The following POU2F1 variants were observed in gnomAD, a reference collection of about 807,000 sequenced individuals.
POU2F1 encodes POU class 2 homeobox 1, also known as POU domain, class 2, transcription factor 1.
A neutral mutation model predicts 84.9 loss-of-function variants in POU2F1; 16 were observed. The observed-to-expected ratio is 0.19, with a 90% CI of 0.13 to 0.29. The LOEUF is 0.29. Among genes scored for constraint, POU2F1 ranks in the 10% least tolerant of loss-of-function variants. The pLI is 1.00. For missense variants in POU2F1, 738 were observed against 942.6 expected, an observed-to-expected ratio of 0.78 and a Z score of 2.84; for synonymous variants, 368 against 368.3, an observed-to-expected ratio of 1.00 and a Z score of 0.01.
chr1:167,363,523 T>C (rs1336052011), intron 2 of POU2F1, among the ~76,000 whole-genome samples: 4 of 152,196 alleles, frequency 2.6e-5, no homozygotes, highest in African/African-American at 4.8e-5. Flanking sequence ...ATAGTGAAAC[T>C]TCTACATGTG....
chr1:167,316,503 G>A (rs1655914099), intron 1 of POU2F1, among the ~76,000 whole-genome samples: 1 of 152,194 alleles, frequency 6.6e-6, no homozygotes, highest in Non-Finnish European at 1.5e-5. Context: ...ACAGGGAAAA[G>A]AAGGGTATTT....
intron 1 of POU2F1, among the ~76,000 whole-genome samples, chr1:167,283,842 A>G (rs1436125889): frequency 6.6e-6 from 1 of 152,210 alleles, no homozygotes; most frequent in African/African-American, 2.4e-5. Flanking sequence ...TAGGAATATC[A>G]TAAAGGAGAG....
At chr1:167,223,701 C>T (rs1648411036) in intron 1 of POU2F1, among the ~76,000 whole-genome samples, 7 of 151,934 alleles carry the variant, frequency 4.6e-5, no homozygotes, top group Admixed American at 3.9e-4. Context: ...TTCTTTCACT[C>T]ACAGTAGGCA....
At position 167,300,653 on chromosome 1, in the gene POU2F1, C is replaced by T. The variant is rs185781063; in HGVS notation, c.62-31817C>T. Among the ~76,000 whole-genome samples, 4 of 152,170 alleles carry T rather than the reference C, an allele frequency of 2.6e-5. 1 individual carries two copies. Among genetic ancestry groups the T allele is most frequent in the South Asian group, 4.1e-4 (2 of 4,822 alleles). ...CTAATTTTTGTATTTTTAGTGGAGA[C>T]GAGTTTTCACCACGTTGGCCAGGAT... is the stretch of plus-strand genomic sequence containing the variant. On this transcript the variant is annotated intron_variant, in intron 1 of 15. Coordinates refer to ENST00000367866, the MANE Select transcript of POU2F1 (RefSeq NM_002697.4).
chr1:167,301,684 A>G (rs896235890), intron 1 of POU2F1, among the ~76,000 whole-genome samples: 2 of 152,140 alleles, frequency 1.3e-5, no homozygotes, highest in African/African-American at 4.8e-5. Flanking sequence ...TGTAACCATC[A>G]TATTGGAAGG....
At chr1:167,299,900 G>T (rs567113574) in intron 1 of POU2F1, among the ~76,000 whole-genome samples, 1 of 151,778 alleles carries the variant, frequency 6.6e-6, no homozygotes, top group Non-Finnish European at 1.5e-5. Context: ...GTGAGGTAGG[G>T]GCCAAAAAAG....
intron 1 of POU2F1, among the ~76,000 whole-genome samples, chr1:167,308,661 C>A (rs1157362007): frequency 6.6e-6 from 1 of 152,034 alleles, no homozygotes. Context: ...GAGCAGCTGG[C>A]ACTATAGGTG....
intron 8 of POU2F1, among the ~76,000 whole-genome samples, chr1:167,386,295 A>G (rs1282304715): frequency 6.6e-6 from 1 of 152,156 alleles, no homozygotes; most frequent in African/African-American, 2.4e-5. Context: ...CCCAAGCTCA[A>G]GCAATCCTCC....
At chr1:167,396,089 T>C (rs1648788194) in intron 9 of POU2F1, among the ~76,000 whole-genome samples, 197 bp from the exon 10 acceptor site, 1 of 152,154 alleles carries the variant, frequency 6.6e-6, no homozygotes, top group Non-Finnish European at 1.5e-5. Context: ...ATTGTAACGA[T>C]CAGGCCTAAA....
intron 1 of POU2F1, among the ~76,000 whole-genome samples, chr1:167,233,563 T>C (rs1163800662): frequency 6.6e-6 from 1 of 152,228 alleles, no homozygotes; most frequent in Non-Finnish European, 1.5e-5. Flanking sequence ...CTTAGGTATG[T>C]AGTAGGCTAT....
intron 2 of POU2F1, among the ~76,000 whole-genome samples, chr1:167,354,477 A>G (rs1294054445): frequency 6.6e-6 from 1 of 152,126 alleles, no homozygotes; most frequent in Non-Finnish European, 1.5e-5. Context: ...TTTTTAGTAA[A>G]GACGGGGTTT....
At chr1:167,244,443 C>T (rs1235397927) in intron 1 of POU2F1, among the ~76,000 whole-genome samples, 1 of 152,212 alleles carries the variant, frequency 6.6e-6, no homozygotes, top group Non-Finnish European at 1.5e-5. Context: ...GCCATGTGGA[C>T]TTCTCTGGCT....
At chr1:167,226,812 A>C (rs1648664047) in intron 1 of POU2F1, among the ~76,000 whole-genome samples, 1 of 152,046 alleles carries the variant, frequency 6.6e-6, no homozygotes, top group Non-Finnish European at 1.5e-5. Flanking sequence ...GGTTTTATTT[A>C]TTTATTTATT....
intron 1 of POU2F1, among the ~76,000 whole-genome samples, chr1:167,297,539 A>G (rs1217794609): frequency 1.3e-5 from 2 of 152,186 alleles, no homozygotes; most frequent in African/African-American, 4.8e-5. Flanking sequence ...TATATCAGAA[A>G]GGTTCAGGAG....
chr1:167,221,540 C>T (rs556399176), intron 1 of POU2F1, among the ~76,000 whole-genome samples: 208 of 149,202 alleles, frequency 1.4e-3, no homozygotes, highest in Middle Eastern at 6.9e-3. Context: ...CGCGTCTTCC[C>T]CCGGGAGCGG....
chr1:167,335,002 G>T (rs937074452), intron 2 of POU2F1, among the ~76,000 whole-genome samples: 4 of 152,084 alleles, frequency 2.6e-5, no homozygotes, highest in African/African-American at 9.7e-5. Context: ...GAATGATATT[G>T]TAAAATTATT....
intron 1 of POU2F1, among the ~76,000 whole-genome samples, chr1:167,308,525 CCTCT>C (rs990324989): frequency 2.6e-5 from 4 of 152,084 alleles, no homozygotes; most frequent in Admixed American, 6.5e-5. Flanking sequence ...TAATAGTGGT[CCTCT>C]CTCCCTCCCT....
chr1:167,322,239 A>C (rs1037395901), intron 1 of POU2F1, among the ~76,000 whole-genome samples: 2 of 152,122 alleles, frequency 1.3e-5, no homozygotes, highest in African/African-American at 4.8e-5. Flanking sequence ...GTGTAGTTTC[A>C]CTTTTCCCCA....
chr1:167,288,537 A>G (rs1484098694), intron 1 of POU2F1, among the ~76,000 whole-genome samples: 3 of 152,120 alleles, frequency 2.0e-5, no homozygotes, highest in Non-Finnish European at 4.4e-5. Flanking sequence ...AAAACAGTTA[A>G]AAATTAGCCA....
Sources: gnomAD v4.1 joint callset for allele counts (sites outside exome capture counted in the v4.1 genomes callset) on GRCh38, gnomAD v4.1.1 for gene constraint, MANE v1.5 for transcripts, NCBI Gene and HGNC (gene_info 2026-07-23, HGNC 2026-07-21) for gene names.